The following PDE9A variants were observed in gnomAD, a reference collection of about 807,000 sequenced individuals.
The protein encoded by PDE9A is phosphodiesterase 9A.
PDE9A carries 60 observed loss-of-function variants against 87.4 expected under a neutral mutation model. The ratio of observed to expected loss-of-function variants is 0.69; its 90% CI spans 0.56 to 0.85. The LOEUF is 0.85. PDE9A is among the 40% of genes least tolerant of loss of function. The pLI, the probability that PDE9A is intolerant of heterozygous loss-of-function variation, is 0.00. For synonymous variants in PDE9A, 272 were observed against 279.4 expected (o/e 0.97, Z 0.27); for missense variants, 665 against 779.0 (o/e 0.85, Z 1.74).
intron 7 of PDE9A, chr21:42,734,254 C>T (rs2146753409): frequency 6.6e-6 from 1 of 152,290 alleles, no homozygotes; most frequent in South Asian, 2.1e-4. Context: ...GACTAGGGAG[C>T]CAAGGAGTGT....
chr21:42,728,341 GAT>G (rs2051354114), intron 4 of PDE9A, among the ~76,000 whole-genome samples: 1 of 152,188 alleles, frequency 6.6e-6, no homozygotes, highest in Non-Finnish European at 1.5e-5. Context: ...GGTTATGGTT[GAT>G]GCTTTTAATC....
chr21:42,753,847 G>C (rs1450615215), intron 9 of PDE9A, 143 bp from the exon 10 acceptor site: 1 of 539,362 alleles, frequency 1.9e-6, no homozygotes, highest in Non-Finnish European at 3.2e-6. Flanking sequence ...GTGGGCAAGA[G>C]TGAGACTCTA....
chr21:42,662,557 A>G (rs562672697), intron 1 of PDE9A, among the ~76,000 whole-genome samples: 1 of 146,748 alleles, frequency 6.8e-6, no homozygotes, highest in Non-Finnish European at 1.5e-5. Context: ...CATGCACATC[A>G]CACACAAGCA....
chr21:42,763,101 C>A (rs557389602), intron 14 of PDE9A, among the ~76,000 whole-genome samples: 1 of 152,290 alleles, frequency 6.6e-6, no homozygotes, highest in South Asian at 2.1e-4. Flanking sequence ...CTGCCCCAGA[C>A]AAACACCTCC....
chr21:42,681,733 G>A (rs373492958), intron 1 of PDE9A, among the ~76,000 whole-genome samples: 4 of 152,280 alleles, frequency 2.6e-5, no homozygotes, highest in South Asian at 4.1e-4. Context: ...GTGCATTCTC[G>A]TAAGCTCCAG....
At chr21:42,713,354 G>A (rs964955507) in intron 4 of PDE9A, among the ~76,000 whole-genome samples, 3 of 152,102 alleles carry the variant, frequency 2.0e-5, no homozygotes, top group Admixed American at 6.6e-5. Context: ...GGGTGGTCTC[G>A]AACTCCTGAC....
chr21:42,690,432 G>A (rs182042525), intron 3 of PDE9A, among the ~76,000 whole-genome samples: 3 of 152,240 alleles, frequency 2.0e-5, no homozygotes, highest in East Asian at 1.9e-4. Context: ...GGCTCTGGAC[G>A]TAGAAAGAGC....
rs2080050841 is a variant in PDE9A at position 42,722,483 on chromosome 21, T to C, written c.263-9287T>C. On this transcript the variant is annotated intron_variant, in intron 4 of 19. Transcript: ENST00000291539. This position sits in a 1 kb window ranked among gnomAD's most constrained non-coding sequence, Gnocchi z 4.1. ...GCAATAGAATGGATCGTGCATGAGC[T>C]CCCAGGCCACACACACACGCCCTTG... Among the ~76,000 whole-genome samples, 1 of 152,156 alleles carries C rather than the reference T, an allele frequency of 6.6e-6. No homozygotes were observed. The highest frequency in any genetic ancestry group is 1.5e-5 in the Non-Finnish European group (1 of 68,024).
rs2055550844 is a variant in PDE9A at position 42,760,163 on chromosome 21, T to A, written c.898-165T>A. Among the ~76,000 whole-genome samples the A allele has an allele frequency of 6.6e-6, 1 of 152,082 alleles. No homozygotes were observed. The highest frequency in any genetic ancestry group is 1.5e-5 in the Non-Finnish European group (1 of 67,974). ...GCTGGACGTTCTCAGGGTCCCTGTG[T>A]CACCTCATTGGTACCTGTGGTAAAC... On this transcript the variant is annotated intron_variant, in intron 11 of 19. Coordinates refer to ENST00000291539, the MANE Select transcript of PDE9A (RefSeq NM_002606.3). The surrounding 1 kb of genome is among the most constrained non-coding windows in gnomAD (Gnocchi z 5.2).
chr21:42,686,177 G>C lies in PDE9A; in HGVS notation c.70-15G>C. ...GCCGCCCTCGCTGCCGCCTCACCGC[G>C]CTTCTGTTTTGCAGGTAATCTTCAG... On this transcript the variant is annotated splice_polypyrimidine_tract_variant and intron_variant, in intron 1 of 19. Coordinates refer to ENST00000291539, the MANE Select transcript of PDE9A (RefSeq NM_002606.3). The C allele has an allele frequency of 6.2e-7, 1 of 1,611,498 alleles. No individual in the cohort carries two copies. The highest frequency in any genetic ancestry group is 8.5e-7 in the Non-Finnish European group (1 of 1,177,680).
At position 42,676,709 on chromosome 21, in the gene PDE9A, G is replaced by A. The variant is rs77724719; in HGVS notation, c.70-9483G>A. Among the ~76,000 whole-genome samples, 493 of 152,272 alleles carry A rather than the reference G, an allele frequency of 3.2e-3. 21 individuals carry two copies. The East Asian group carries it at 0.075, about 23-fold the overall frequency. ...ACTCATCTCTAGTGTGGGGCAGTGC[G>A]TCACCTTCTCACAATTGTCAACGGG... On this transcript the variant is annotated intron_variant, in intron 1 of 19. Transcript: ENST00000291539.
intron 7 of PDE9A, among the ~76,000 whole-genome samples, chr21:42,740,606 GATGGATGGATGGATGGATGA>G (rs761823069): frequency 1.8e-4 from 19 of 107,842 alleles, no homozygotes; most frequent in Admixed American, 5.1e-4. Context: ...TGGATGGATG[GATGGATGGATGGATGGATGA>G]ATGGATACAT....
chr21:42,729,385 GTTTC>G (rs1166966962), intron 4 of PDE9A, among the ~76,000 whole-genome samples: 4 of 152,022 alleles, frequency 2.6e-5, no homozygotes, highest in South Asian at 2.1e-4. Context: ...CCCTCTAATT[GTTTC>G]TTTGTCAGTC....
At chr21:42,754,994 A>G (rs79916802) in intron 10 of PDE9A, among the ~76,000 whole-genome samples, 1,802 of 152,286 alleles carry the variant, frequency 0.012, 29 homozygotes, top group African/African-American at 0.04. Flanking sequence ...TAAAATTCCT[A>G]TTTGCTGAAA....
At chr21:42,709,832 G>A (rs2049153186) in intron 4 of PDE9A, among the ~76,000 whole-genome samples, 1 of 152,102 alleles carries the variant, frequency 6.6e-6, no homozygotes, top group South Asian at 2.1e-4. Context: ...TGCCCACGCT[G>A]GTGTCGAACT....
intron 1 of PDE9A, among the ~76,000 whole-genome samples, chr21:42,676,063 G>T (rs547090897): frequency 6.6e-6 from 1 of 152,112 alleles, no homozygotes; most frequent in Non-Finnish European, 1.5e-5. Context: ...GGGTGTGCAC[G>T]CCTCCCTTCA....
intron 13 of PDE9A, 138 bp from the exon 14 acceptor site, chr21:42,761,945 G>A: frequency 2.5e-6 from 2 of 802,350 alleles, no homozygotes; most frequent in Non-Finnish European, 3.9e-6. Flanking sequence ...CCAGGCCAGG[G>A]CACAGGCAGC....
chr21:42,742,701 G>A (rs1435459886), intron 7 of PDE9A, among the ~76,000 whole-genome samples: 1 of 151,918 alleles, frequency 6.6e-6, no homozygotes, highest in Non-Finnish European at 1.5e-5. Context: ...TCCTGACCTC[G>A]TGATCTGCCC....
chr21:42,733,491 T>A, intron 7 of PDE9A, 65 bp downstream of exon 7: 1 of 924,836 alleles, frequency 1.1e-6, no homozygotes, highest in Non-Finnish European at 1.8e-6. Flanking sequence ...ATTAACCACT[T>A]GGAACGGGGA....
Sources: allele counts gnomAD v4.1 joint callset (sites outside exome capture counted in the v4.1 genomes callset), GRCh38; gene constraint gnomAD v4.1.1; non-coding constraint Gnocchi (gnomAD v3.1); transcripts MANE v1.5; gene names NCBI Gene and HGNC (gene_info 2026-07-23, HGNC 2026-07-21).